The following NFIX variants were observed in gnomAD, a reference collection of about 807,000 sequenced individuals.
The protein encoded by NFIX is nuclear factor 1 X-type.
Under a neutral mutation model 53.3 loss-of-function variants are expected in NFIX, and 2 were observed. The observed-to-expected ratio is 0.04, with a 90% CI of 0.02 to 0.12. The LOEUF (loss-of-function observed/expected upper bound fraction) is 0.12, where lower values mean the gene tolerates loss of function less well. Among genes scored for constraint, NFIX ranks in the 10% least tolerant of loss-of-function variants. The pLI, the probability that NFIX is intolerant of heterozygous loss-of-function variation, is 1.00. For synonymous variants in NFIX, 244 were observed against 289.0 expected (o/e 0.84, Z 1.58); for missense variants, 310 against 674.5 (o/e 0.46, Z 5.99).
chr19:13,075,398 C>T (rs1024983808), intron 5 of NFIX, 137 bp from the exon 6 acceptor site: 1 of 931,772 alleles, frequency 1.1e-6, no homozygotes, highest in African/African-American at 1.7e-5. Context: ...CAGTGAGTGC[C>T]CAGAAATGCT....
chr19:12,998,568 C>A lies in NFIX; in HGVS notation c.27+2704C>A, dbSNP rs765262435. ...TGTAGCCACAGTCCTGAGTCTCAGG[C>A]GGAGAGAGGGGTGGGGGGTGGATGG... is the stretch of plus-strand genomic sequence containing the variant. On this transcript the variant is annotated intron_variant, in intron 1 of 10. Transcript: ENST00000592199. The surrounding 1 kb of genome is among the most constrained non-coding windows in gnomAD (Gnocchi z 4.4). Among the ~76,000 whole-genome samples, 1 of 151,674 alleles carries A rather than the reference C, an allele frequency of 6.6e-6. No individual in the cohort carries two copies. The highest frequency in any genetic ancestry group is 2.1e-4 in the South Asian group (1 of 4,802).
At chr19:13,041,361 CAG>C (rs1251926971) in intron 2 of NFIX, among the ~76,000 whole-genome samples, 1 of 152,150 alleles carries the variant, frequency 6.6e-6, no homozygotes, top group Non-Finnish European at 1.5e-5. Flanking sequence ...AGCATGAAGT[CAG>C]GGGGTGGAAA....
Position 13,013,530 on chromosome 19 carries a change from G to T in NFIX, c.28-11491G>T, listed in dbSNP as rs1032220957. 2 of 152,070 alleles carry T rather than the reference G, an allele frequency of 1.3e-5. No individual in the cohort carries two copies. The highest frequency in any genetic ancestry group is 2.9e-5 in the Non-Finnish European group (2 of 68,056). The allele number at this position is 152,070 out of a possible 1,614,324, so 9.4% of individuals were successfully genotyped here. On this transcript the variant is annotated intron_variant, in intron 1 of 10. Transcript: ENST00000592199. This position sits in a 1 kb window ranked among gnomAD's most constrained non-coding sequence, Gnocchi z 5.9. ...CTGGGGCAGCGGCTGACCCTGCTGC[G>T]CCCTGTACCCTGGACCCAGACGCGG...
At chr19:13,085,227 G>A (rs1349944839) in intron 8 of NFIX, among the ~76,000 whole-genome samples, 1 of 152,212 alleles carries the variant, frequency 6.6e-6, no homozygotes, top group Non-Finnish European at 1.5e-5. Context: ...TGCCAGCCTG[G>A]TTGGAAGTTA....
intron 2 of NFIX, among the ~76,000 whole-genome samples, chr19:13,047,671 ATAG>A (rs1425738160): frequency 6.6e-6 from 1 of 152,208 alleles, no homozygotes; most frequent in Non-Finnish European, 1.5e-5. Flanking sequence ...GTGTGGAAGC[ATAG>A]GATAAGGAGG....
intron 2 of NFIX, among the ~76,000 whole-genome samples, chr19:13,058,373 G>A (rs1288061749): frequency 1.3e-5 from 2 of 152,052 alleles, no homozygotes; most frequent in East Asian, 1.9e-4. Context: ...TGCGCTGGGC[G>A]CAGGAGCTCA....
At chr19:13,031,982 G>A (rs984314857) in intron 2 of NFIX, among the ~76,000 whole-genome samples, 10 of 114,980 alleles carry the variant, frequency 8.7e-5, no homozygotes, top group South Asian at 3.1e-4. Flanking sequence ...CTCCACCCCC[G>A]CCCTTCTGTC....
In NFIX at chr19:13,088,497, T is replaced by G. The variant is rs1226799946; in HGVS notation, c.1402+361T>G. 2.6e-5 allele frequency among the ~76,000 whole-genome samples: 4 copies of G among 151,662 alleles called. No homozygotes were observed. Among genetic ancestry groups the G allele is most frequent in the African/African-American group, 7.3e-5 (3 of 41,330 alleles). Reference sequence around the variant, plus strand: ...CTTCATGCCTGATTGCTGTTTTTTTTTTTTTGTTTTTTGTTTTTGTTTTTT... The same window carrying G: ...CTTCATGCCTGATTGCTGTTTTTTTGTTTTTGTTTTTTGTTTTTGTTTTTT... On this transcript the variant is annotated intron_variant, in intron 9 of 10. Transcript: ENST00000592199. The surrounding 1 kb of genome is among the most constrained non-coding windows in gnomAD (Gnocchi z 5.9).
At chr19:13,055,831 G>A (rs1599800151) in intron 2 of NFIX, among the ~76,000 whole-genome samples, 1 of 152,322 alleles carries the variant, frequency 6.6e-6, no homozygotes, top group South Asian at 2.1e-4. Context: ...ACTGGCTTCT[G>A]GGTGTGGGAG....
chr19:13,049,595 CTTTTT>C lies in NFIX; in HGVS notation c.560-23440_560-23436del, dbSNP rs71168649. On this transcript the variant is annotated intron_variant, in intron 2 of 10. Coordinates refer to ENST00000592199, the MANE Select transcript of NFIX (RefSeq NM_001365902.3). This position sits in a 1 kb window ranked among gnomAD's most constrained non-coding sequence, Gnocchi z 4.5. ...TTGTAGCAGCAAGTGTCAGTGGTTC[CTTTTT>C]TTTTTTTTTTTGAGACAGAGTCTTA... Among the ~76,000 whole-genome samples the C allele has an allele frequency of 8.1e-6, 1 of 122,784 alleles. No homozygotes were observed. The highest frequency in any genetic ancestry group is 1.8e-5 in the Non-Finnish European group (1 of 56,592). 80.6% of individuals were successfully genotyped at this position (122,784 alleles called of 152,430 possible). A position where few individuals can be genotyped will look rare whatever the true frequency, so the allele number is the denominator to read the frequency against.
rs958484792 is a variant in NFIX, at chr19:13,079,804, A to G, written c.1078+1069A>G. ...CAGCCCCCTAATGAAACCGAGAGCA[A>G]GAGCGAGCTGATTGGAAACAGACGG... On this transcript the variant is annotated intron_variant, in intron 7 of 10. Coordinates refer to ENST00000592199, the MANE Select transcript of NFIX (RefSeq NM_001365902.3). 5.9e-5 allele frequency among the ~76,000 whole-genome samples: 9 copies of G among 152,376 alleles called. No homozygotes were observed. The South Asian group carries it at 1.9e-3, about 32-fold the overall frequency.
rs1198121941 is a variant in NFIX at position 13,037,301 on chromosome 19, A to G, written c.559+11749A>G. On this transcript the variant is annotated intron_variant, in intron 2 of 10. Transcript: ENST00000592199. The surrounding 1 kb of genome is among the most constrained non-coding windows in gnomAD (Gnocchi z 4.2). ...TGCTTAAGGGAGACCCGACTTCTGC[A>G]CCCGGTCATATCCTCCCCAGGGCAT... 6.6e-6 allele frequency among the ~76,000 whole-genome samples: 1 copy of G among 152,126 alleles called. No individual in the cohort carries two copies. The highest frequency in any genetic ancestry group is 6.5e-5 in the Admixed American group (1 of 15,270).
chr19:13,006,412 T>C lies in NFIX; in HGVS notation c.27+10548T>C, dbSNP rs868233739. Among the ~76,000 whole-genome samples the C allele has an allele frequency of 3.0e-4, 46 of 152,304 alleles. No individual in the cohort carries two copies. Among genetic ancestry groups the C allele is most frequent in the African/African-American group, 1.1e-3 (46 of 41,564 alleles). On this transcript the variant is annotated intron_variant, in intron 1 of 10. Transcript: ENST00000592199. This position sits in a 1 kb window ranked among gnomAD's most constrained non-coding sequence, Gnocchi z 5.6. ...AATCTGAGCTCATCTATTATCCATA[T>C]TTGTGGATATGCCATACGGTGCCCG... is the stretch of plus-strand genomic sequence containing the variant.
Position 13,021,130 on chromosome 19 carries a change from T to C in NFIX, c.28-3891T>C, listed in dbSNP as rs1279443385. On this transcript the variant is annotated intron_variant, in intron 1 of 10. Coordinates refer to ENST00000592199, the MANE Select transcript of NFIX (RefSeq NM_001365902.3). The surrounding 1 kb of genome is among the most constrained non-coding windows in gnomAD (Gnocchi z 4.2). The stretch of plus-strand genomic sequence containing the variant: ...ATCTTGACTTTAGAAGGTAAAATTG[T>C]TTCCACAAGGTGGAGAGGCAGGATT... Among the ~76,000 whole-genome samples the C allele has an allele frequency of 6.6e-6, 1 of 152,178 alleles. No individual in the cohort carries two copies. The highest frequency in any genetic ancestry group is 1.5e-5 in the Non-Finnish European group (1 of 68,024).
At chr19:13,008,059 A>G (rs1036926002) in intron 1 of NFIX, among the ~76,000 whole-genome samples, 3 of 152,080 alleles carry the variant, frequency 2.0e-5, no homozygotes, top group African/African-American at 4.8e-5. Flanking sequence ...CAACAAACAC[A>G]CATGTTGACA....
In NFIX at chr19:13,081,724, T is replaced by A; in HGVS notation, c.1123T>A (p.Ser375Thr). ...ATCAGCCCTGCACTTCCCCTCCACG[T>A]CCATCATCCAGCAGTCGAGCCCGTA... ...TASALHFPST[S>T]IIQQSSPYFT... is the part of the protein sequence containing the mutation. Residue 375 changes from serine to threonine, a missense_variant, in exon 8 of 11, where the codon TCC (serine) becomes ACC (threonine). Transcript: ENST00000592199. The surrounding 1 kb of genome is among the most constrained non-coding windows in gnomAD (Gnocchi z 4.7). 6.2e-7 allele frequency: 1 copy of A among 1,613,766 alleles called. No homozygotes were observed. The highest frequency in any genetic ancestry group is 1.1e-5 in the South Asian group (1 of 91,076).
chr19:13,005,294 G>A lies in NFIX; in HGVS notation c.27+9430G>A, dbSNP rs1236237073. 6.6e-6 allele frequency among the ~76,000 whole-genome samples: 1 copy of A among 152,262 alleles called. No homozygotes were observed. The highest frequency in any genetic ancestry group is 1.5e-5 in the Non-Finnish European group (1 of 68,044). On this transcript the variant is annotated intron_variant, in intron 1 of 10. Transcript: ENST00000592199. The surrounding 1 kb of genome is among the most constrained non-coding windows in gnomAD (Gnocchi z 4.7). Reference sequence around the variant, plus strand: ...CCTAAAAATCGTAGCAACAGCTAATGTGAACTGTGTGCTTGCTGCGTTGCA... The same window carrying A: ...CCTAAAAATCGTAGCAACAGCTAATATGAACTGTGTGCTTGCTGCGTTGCA...
chr19:13,041,980 T>C (rs1277824271), intron 2 of NFIX, among the ~76,000 whole-genome samples: 1 of 150,892 alleles, frequency 6.6e-6, no homozygotes, highest in African/African-American at 2.4e-5. Flanking sequence ...TCGCTGCAAG[T>C]TCCGCCTCCC....
chr19:13,072,919 G>T lies in NFIX; in HGVS notation c.560-128G>T. 1 of 877,576 alleles carries T rather than the reference G, an allele frequency of 1.1e-6. No individual in the cohort carries two copies. The highest frequency in any genetic ancestry group is 1.9e-6 in the Non-Finnish European group (1 of 518,216). The allele number at this position is 877,576 out of a possible 1,614,324, so 54.4% of individuals were successfully genotyped here. On this transcript the variant is annotated intron_variant, in intron 2 of 10. Coordinates refer to ENST00000592199, the MANE Select transcript of NFIX (RefSeq NM_001365902.3). The surrounding 1 kb of genome is among the most constrained non-coding windows in gnomAD (Gnocchi z 4.0). ...CTGGGGCTGGTTTGGGGAGAGGGTG[G>T]GGTGAAGGTTTCTGTAGCCAGGGTG...
Sources: allele counts gnomAD v4.1 joint callset (sites outside exome capture counted in the v4.1 genomes callset), GRCh38; gene constraint gnomAD v4.1.1; non-coding constraint Gnocchi (gnomAD v3.1); transcripts MANE v1.5; gene names NCBI Gene and HGNC (gene_info 2026-07-23, HGNC 2026-07-21).